The following PARD3B variants were observed in gnomAD, a reference collection of about 807,000 sequenced individuals.
PARD3B encodes the protein partitioning defective 3 homolog B.
In PARD3B, 103 loss-of-function variants were observed where a neutral mutation model predicts 130.2. The ratio of observed to expected loss-of-function variants is 0.79; its 90% CI spans 0.67 to 0.93. The LOEUF (loss-of-function observed/expected upper bound fraction) is 0.93. Ranked by LOEUF, PARD3B falls within the 40% of genes least tolerant of loss-of-function variation. The probability of loss-of-function intolerance (pLI) is 0.00; values close to 1 mark genes in which losing one functional copy is unlikely to be tolerated. For synonymous variants in PARD3B, 583 were observed against 553.2 expected (o/e 1.05, Z -0.76); for missense variants, 1,609 against 1,499.2 (o/e 1.07, Z -1.21).
At chr2:205,252,005 A>G (rs1420237492) in intron 16 of PARD3B, among the ~76,000 whole-genome samples, 1 of 152,196 alleles carries the variant, frequency 6.6e-6, no homozygotes, top group Admixed American at 6.5e-5. Context: ...CAATATGTCT[A>G]GCGTTCTTCC....
At chr2:204,840,543 T>A (rs2044221711) in intron 2 of PARD3B, among the ~76,000 whole-genome samples, 1 of 152,104 alleles carries the variant, frequency 6.6e-6, no homozygotes, top group Non-Finnish European at 1.5e-5. Flanking sequence ...CTTTTTTTTT[T>A]TAACTATGGT....
At chr2:205,311,119 A>G (rs1216016358) in intron 18 of PARD3B, among the ~76,000 whole-genome samples, 3 of 152,194 alleles carry the variant, frequency 2.0e-5, no homozygotes, top group East Asian at 3.8e-4. Flanking sequence ...GCTGTTGTGA[A>G]TAGCGCTGCA....
intron 3 of PARD3B, among the ~76,000 whole-genome samples, chr2:204,997,880 A>G (rs963309579): frequency 6.7e-6 from 1 of 149,356 alleles, no homozygotes; most frequent in Non-Finnish European, 1.5e-5. Context: ...ATCTTTAAAT[A>G]TTATAAAATA....
At chr2:204,643,115 C>CAAAAAAAAAAAAGAAAA (rs2035145629) in intron 1 of PARD3B, among the ~76,000 whole-genome samples, 1 of 31,826 alleles carries the variant, frequency 3.1e-5, no homozygotes, top group Non-Finnish European at 5.9e-5. Flanking sequence ...CTCTGTCTCA[C>CAAAAAAAAAAAAGAAAA]AAAAAAAAAA....
chr2:204,687,398 A>C (rs576716358), intron 2 of PARD3B, among the ~76,000 whole-genome samples: 5 of 152,298 alleles, frequency 3.3e-5, no homozygotes, highest in African/African-American at 1.2e-4. Context: ...ATAACTAGCT[A>C]TCTAGATAAA....
At position 205,473,754 on chromosome 2, in the gene PARD3B, A is replaced by G. The variant is rs1476947946; in HGVS notation, c.3045-26142A>G. Among the ~76,000 whole-genome samples, 1 of 145,008 alleles carries G rather than the reference A, an allele frequency of 6.9e-6. No individual in the cohort carries two copies. The highest frequency in any genetic ancestry group is 1.5e-5 in the Non-Finnish European group (1 of 66,716). ...ACCCTAAATATATATATATATATAT[A>G]TAACCTTAAATATATATATTTTATA... On this transcript the variant is annotated intron_variant, in intron 20 of 22. Transcript: ENST00000406610. This position sits in a 1 kb window ranked among gnomAD's most constrained non-coding sequence, Gnocchi z 4.9.
chr2:204,984,417 A>G (rs750263621), intron 3 of PARD3B, among the ~76,000 whole-genome samples: 29 of 152,312 alleles, frequency 1.9e-4, no homozygotes, highest in South Asian at 1.0e-3. Context: ...GGGGTAACAC[A>G]CAAGGGAAAA....
At chr2:204,819,364 C>T (rs1435237909) in intron 2 of PARD3B, among the ~76,000 whole-genome samples, 37 of 152,210 alleles carry the variant, frequency 2.4e-4, no homozygotes, top group Admixed American at 2.4e-3. Flanking sequence ...GGTGTTACTA[C>T]TGTAATTCTT....
In PARD3B at chr2:205,111,220, A is replaced by C. The variant is rs559075375; in HGVS notation, c.594-2271A>C. On this transcript the variant is annotated intron_variant, in intron 5 of 22. Transcript: ENST00000406610. Reference sequence around the variant, plus strand: ...TATATATTACAGTAAACAAAATTGAAAGTCTGCTAGGCTTTTTTTCTGGGC... The same window carrying C: ...TATATATTACAGTAAACAAAATTGACAGTCTGCTAGGCTTTTTTTCTGGGC... Among the ~76,000 whole-genome samples the C allele has an allele frequency of 6.6e-5, 10 of 152,190 alleles. No homozygotes were observed. The South Asian group carries it at 1.9e-3, about 28-fold the overall frequency.
intron 2 of PARD3B, among the ~76,000 whole-genome samples, chr2:204,774,391 C>A (rs1453975833): frequency 6.6e-6 from 1 of 151,976 alleles, no homozygotes; most frequent in Non-Finnish European, 1.5e-5. Context: ...ATTCCAAGAA[C>A]TAAGGCTGAA....
At chr2:205,335,384 G>A (rs16837235) in intron 18 of PARD3B, among the ~76,000 whole-genome samples, 8,598 of 152,204 alleles carry the variant, frequency 0.056, 332 homozygotes, top group African/African-American at 0.11. Context: ...CACTATGCTC[G>A]TTGTAGAATT....
At position 204,983,996 on chromosome 2, in the gene PARD3B, G is replaced by GA. The variant is rs945091437; in HGVS notation, c.394+18682dup. Among the ~76,000 whole-genome samples, 14 of 149,652 alleles carry GA rather than the reference G, an allele frequency of 9.4e-5. No individual in the cohort carries two copies. In the South Asian group the frequency reaches 1.1e-3, roughly 11 times the overall value. The stretch of plus-strand genomic sequence containing the variant: ...ACCTTCCTTGTCGCCTCTCTAAAAA[G>GA]AAAAAAAAATATGCATTTCTCCTGT... On this transcript the variant is annotated intron_variant, in intron 3 of 22. Transcript: ENST00000406610.
At chr2:204,999,748 G>C (rs1392924258) in intron 3 of PARD3B, among the ~76,000 whole-genome samples, 1 of 152,166 alleles carries the variant, frequency 6.6e-6, no homozygotes, top group African/African-American at 2.4e-5. Flanking sequence ...AGATAAAGTG[G>C]TATTGAGAAC....
intron 22 of PARD3B, among the ~76,000 whole-genome samples, chr2:205,581,299 G>GATATATAGATAGAT (rs1559238327): frequency 8.1e-4 from 84 of 103,320 alleles, no homozygotes; most frequent in East Asian, 5.6e-3. Context: ...GATAGATATA[G>GATATATAGATAGAT]ATAGATAGAT....
At chr2:205,203,557 C>A (rs2037108422) in intron 15 of PARD3B, among the ~76,000 whole-genome samples, 1 of 152,046 alleles carries the variant, frequency 6.6e-6, no homozygotes, top group Non-Finnish European at 1.5e-5. Context: ...CACCCATCAA[C>A]CCATCATCTA....
At chr2:204,633,456 T>C (rs987911151) in intron 1 of PARD3B, among the ~76,000 whole-genome samples, 1 of 152,154 alleles carries the variant, frequency 6.6e-6, no homozygotes, top group Non-Finnish European at 1.5e-5. Flanking sequence ...CTAAAAACAG[T>C]TAATTTAATA....
At chr2:205,111,546 G>A (rs1414072356) in intron 5 of PARD3B, among the ~76,000 whole-genome samples, 1 of 151,876 alleles carries the variant, frequency 6.6e-6, no homozygotes, top group Non-Finnish European at 1.5e-5. Flanking sequence ...CTTATAGAAG[G>A]GATTTTGAGT....
Position 205,550,603 on chromosome 2 carries a change from A to G in PARD3B, c.3181-2721A>G, listed in dbSNP as rs964526400. ...CTGATAACATCCTGAATGGCACTTG[A>G]AAATACATTATCCTATTTCATTCTT... On this transcript the variant is annotated intron_variant, in intron 21 of 22. Coordinates refer to ENST00000406610, the MANE Select transcript of PARD3B (RefSeq NM_001302769.2). This position sits in a 1 kb window ranked among gnomAD's most constrained non-coding sequence, Gnocchi z 4.5. Among the ~76,000 whole-genome samples, 2 of 152,124 alleles carry G rather than the reference A, an allele frequency of 1.3e-5. No homozygotes were observed. Among genetic ancestry groups the G allele is most frequent in the African/African-American group, 4.8e-5 (2 of 41,422 alleles).
Position 205,183,792 on chromosome 2 carries a change from G to A in PARD3B, c.1925-1972G>A, listed in dbSNP as rs530433846. On this transcript the variant is annotated intron_variant, in intron 13 of 22. Transcript: ENST00000406610. The surrounding 1 kb of genome is among the most constrained non-coding windows in gnomAD (Gnocchi z 5.2). ...TGTGTGTGAACAGATTTATGATAAG[G>A]AATTGGCTCACATGGCCATGGAGAC... Among the ~76,000 whole-genome samples the A allele has an allele frequency of 4.7e-5, 7 of 149,888 alleles. No homozygotes were observed. The highest frequency in any genetic ancestry group is 1.7e-4 in the African/African-American group (7 of 40,856).
Sources: gnomAD v4.1 joint callset for allele counts (sites outside exome capture counted in the v4.1 genomes callset) on GRCh38, gnomAD v4.1.1 for gene constraint, Gnocchi (gnomAD v3.1) non-coding constraint, MANE v1.5 for transcripts, NCBI Gene and HGNC (gene_info 2026-07-23, HGNC 2026-07-21) for gene names.